TRPM7: variants seen among roughly 807,000 people sequenced by gnomAD.
The protein encoded by TRPM7 is LTRPC ion channel family member 7.
Under a neutral mutation model 229.7 loss-of-function variants are expected in TRPM7, and 134 were observed. The ratio of observed to expected loss-of-function variants is 0.58; its 90% CI spans 0.51 to 0.67. The LOEUF is 0.67. TRPM7 is among the 30% of genes least tolerant of loss of function. The pLI is 0.00. For missense variants in TRPM7, 1,901 were observed against 2,210.0 expected (o/e 0.86, Z 2.80); for synonymous variants, 699 against 715.2 (o/e 0.98, Z 0.36).
chr15:50,588,110 C>T (rs889260380), intron 27 of TRPM7: 6 of 456,346 alleles, frequency 1.3e-5, no homozygotes, highest in Non-Finnish European at 1.7e-5. Flanking sequence ...GCTGAACCTA[C>T]ACCTATTTCC....
chr15:50,577,421 C>T (rs1461454878), intron 31 of TRPM7, among the ~76,000 whole-genome samples: 1 of 152,046 alleles, frequency 6.6e-6, no homozygotes, highest in East Asian at 1.9e-4. Flanking sequence ...GTGGTGCATG[C>T]CTGTAATCCC....
chr15:50,632,614 T>C (rs920125004), intron 9 of TRPM7, among the ~76,000 whole-genome samples: 1 of 152,180 alleles, frequency 6.6e-6, no homozygotes, highest in Non-Finnish European at 1.5e-5. Flanking sequence ...TGTTGAGACC[T>C]AGTTACTTTT....
intron 9 of TRPM7, among the ~76,000 whole-genome samples, chr15:50,632,552 A>G (rs574264597): frequency 1.1e-4 from 16 of 152,298 alleles, no homozygotes; most frequent in Admixed American, 8.5e-4. Context: ...ACATTTTATT[A>G]GAGAAACCAT....
At chr15:50,568,806 C>T (rs980187011) in intron 38 of TRPM7, among the ~76,000 whole-genome samples, 1 of 151,674 alleles carries the variant, frequency 6.6e-6, no homozygotes, top group Admixed American at 6.6e-5. Flanking sequence ...AAAACCCCAT[C>T]TCTACAAAAA....
intron 1 of TRPM7, among the ~76,000 whole-genome samples, chr15:50,678,873 CA>C (rs60481552): frequency 0.54 from 81,506 of 150,256 alleles, 22,167 homozygotes; most frequent in Admixed American, 0.62. Flanking sequence ...TTTGCAAAAA[CA>C]AAAAAAAAAA....
chr15:50,585,825 C>T (rs1048668766), intron 28 of TRPM7, among the ~76,000 whole-genome samples: 17 of 152,138 alleles, frequency 1.1e-4, no homozygotes, highest in Admixed American at 4.6e-4. Flanking sequence ...GATATGGAAA[C>T]ATCACCACAA....
chr15:50,615,037 G>A (rs1417863772), intron 13 of TRPM7, among the ~76,000 whole-genome samples: 1 of 151,866 alleles, frequency 6.6e-6, no homozygotes. Context: ...TGGGCATGGT[G>A]GCAGGCACCT....
At chr15:50,589,049 C>T (rs2059413910) in intron 27 of TRPM7, among the ~76,000 whole-genome samples, 1 of 152,162 alleles carries the variant, frequency 6.6e-6, no homozygotes. Flanking sequence ...AGGCCGGGCA[C>T]AGTGGCTCAC....
intron 31 of TRPM7, 59 bp downstream of exon 31, chr15:50,578,580 T>A: frequency 6.6e-7 from 1 of 1,520,074 alleles, no homozygotes; most frequent in South Asian, 1.1e-5. Context: ...TGGTGTTTGC[T>A]GTAACAGATC....
At chr15:50,572,927 G>A (rs1410710538) in intron 36 of TRPM7, among the ~76,000 whole-genome samples, 4 of 152,128 alleles carry the variant, frequency 2.6e-5, no homozygotes, top group Non-Finnish European at 4.4e-5. Context: ...CTGCTCTTCA[G>A]GGAGAAAAAT....
chr15:50,657,749 A>T, intron 3 of TRPM7, 32 bp downstream of exon 3: 2 of 1,598,190 alleles, frequency 1.3e-6, no homozygotes, highest in Non-Finnish European at 1.7e-6. Context: ...TTATTTTCCG[A>T]AATTTGTGCG....
intron 22 of TRPM7, among the ~76,000 whole-genome samples, chr15:50,597,035 A>ATAAGAGTCATGGTTG (rs1240485614): frequency 6.6e-6 from 1 of 152,244 alleles, no homozygotes. Flanking sequence ...CGCATGACTC[A>ATAAGAGTCATGGTTG]ACTTTAAGAG....
chr15:50,676,260 A>T (rs1403655859), intron 1 of TRPM7, among the ~76,000 whole-genome samples: 1 of 152,224 alleles, frequency 6.6e-6, no homozygotes, highest in Non-Finnish European at 1.5e-5. Context: ...AAAATTAAAG[A>T]TTCCTAAAAA....
At position 50,609,937 on chromosome 15, in the gene TRPM7, G is replaced by A. The variant is rs1479533969; in HGVS notation, c.2305C>T (p.Pro769Ser). ...YKVILSILVP[P>S]AILLLEYKTK... is the part of the protein sequence containing the mutation. Reference sequence around the variant, plus strand: ...TTATACTCTAACAGCAATATGGCAGGTGGAACTAAAATGCTTAGTATGACC... The same window carrying A: ...TTATACTCTAACAGCAATATGGCAGATGGAACTAAAATGCTTAGTATGACC... Residue 769 changes from proline to serine, a missense_variant, in exon 18 of 39, where the codon CCT (proline) becomes TCT (serine). Pro to Ser is a moderately conservative substitution (Grantham distance 74). This residue lies in a region of TRPM7 where 14 missense variants were observed against 16.3 expected (regional missense o/e 0.86). Transcript: ENST00000646667. 2 of 1,607,168 alleles carry A rather than the reference G, an allele frequency of 1.2e-6. No individual in the cohort carries two copies. The highest frequency in any genetic ancestry group is 8.5e-7 in the Non-Finnish European group (1 of 1,176,790).
intron 26 of TRPM7, 102 bp from the exon 27 acceptor site, chr15:50,589,758 TTTCAAGTACAC>T (rs2059437106): frequency 5.6e-6 from 4 of 710,756 alleles, no homozygotes; most frequent in Non-Finnish European, 7.0e-6. Flanking sequence ...TTATGCTGTT[TTTCAAGTACAC>T]TTGATGGCTC....
rs1263309663 is a variant in TRPM7 at position 50,575,795 on chromosome 15, T to A, written c.4670-6A>T. On this transcript the variant is annotated splice_polypyrimidine_tract_variant and splice_region_variant and intron_variant, in intron 32 of 38. Transcript: ENST00000646667. ...CAAGTTATTTCTTTCCACAGCTGCATAAAAATGAGAGAGAAATAATTAAAT... is the reference window on the plus strand; with the variant it reads ...CAAGTTATTTCTTTCCACAGCTGCAAAAAAATGAGAGAGAAATAATTAAAT... The A allele has an allele frequency of 1.2e-6, 2 of 1,613,454 alleles. No homozygotes were observed. Among genetic ancestry groups the A allele is most frequent in the Admixed American group, 3.3e-5 (2 of 59,994 alleles).
chr15:50,573,518 T>C (rs1166866240), intron 36 of TRPM7, among the ~76,000 whole-genome samples: 1 of 152,212 alleles, frequency 6.6e-6, no homozygotes, highest in African/African-American at 2.4e-5. Context: ...ACATTCCCAC[T>C]ATGTCCCATC....
At chr15:50,675,365 C>T (rs1488892974) in intron 1 of TRPM7, among the ~76,000 whole-genome samples, 1 of 151,750 alleles carries the variant, frequency 6.6e-6, no homozygotes, top group Non-Finnish European at 1.5e-5. Flanking sequence ...AAGAAAATCT[C>T]CTACAGCCTT....
rs759347117 is a variant in TRPM7, at chr15:50,639,514, T to C, written c.570A>G (p.Glu190=). 1 of 1,611,590 alleles carries C rather than the reference T, an allele frequency of 6.2e-7. No individual in the cohort carries two copies. The highest frequency in any genetic ancestry group is 2.2e-5 in the East Asian group (1 of 44,812). Residue 190 remains glutamate, a synonymous_variant, in exon 6 of 39, where the codon GAA becomes GAG. Transcript: ENST00000646667. ...TCTTTCGAGATGATCTGGAAGCATGTTCTTTGAGGGCATCTCCAACATGTT... is the reference window on the plus strand; with the variant it reads ...TCTTTCGAGATGATCTGGAAGCATGCTCTTTGAGGGCATCTCCAACATGTT... ...VAKHVGDALK[E]HASRSSRKIC... is the part of the protein sequence containing the mutation.
Sources: allele counts gnomAD v4.1 joint callset (sites outside exome capture counted in the v4.1 genomes callset), GRCh38; gene constraint gnomAD v4.1.1; regional missense constraint gnomAD v4.1.1; transcripts MANE v1.5; gene names NCBI Gene and HGNC (gene_info 2026-07-23, HGNC 2026-07-21).